Variants in BYSL observed in about 807,000 individuals in gnomAD.
The protein encoded by BYSL is bystin like.
A neutral mutation model predicts 45.4 loss-of-function variants in BYSL; 21 were observed. That is an observed-to-expected ratio of 0.46 (90% confidence interval 0.33 to 0.67). The LOEUF (loss-of-function observed/expected upper bound fraction) is 0.67, where lower values mean the gene tolerates loss of function less well. Among genes scored for constraint, BYSL ranks in the 30% least tolerant of loss-of-function variants. BYSL has a pLI of 0.02. For missense variants in BYSL, 522 were observed against 578.5 expected (o/e 0.90, Z 1.00); for synonymous variants, 215 against 231.3 (o/e 0.93, Z 0.64).
chr6:41,932,615 A>G lies in BYSL; in HGVS notation c.1223A>G (p.Gln408Arg). 1 of 1,614,204 alleles carries G rather than the reference A, an allele frequency of 6.2e-7. No homozygotes were observed. The highest frequency in any genetic ancestry group is 8.5e-7 in the Non-Finnish European group (1 of 1,180,034). Residue 408 changes from glutamine (Q) to arginine (R), a missense_variant, in exon 7 of 7, where the codon CAG (glutamine) becomes CGG (arginine). Physicochemically the swap from Gln to Arg is conservative, Grantham distance 43. Transcript: ENST00000230340. This position sits in a 1 kb window ranked among gnomAD's most constrained non-coding sequence, Gnocchi z 4.7. The part of the protein sequence containing the change: ...KEALLELLRL[Q>R]PHPQLSPEIR... ...GCCCTCTTAGAACTGCTCCGGCTGC[A>G]GCCCCATCCACAGCTATCGCCCGAA...
chr6:41,930,616 T>G lies in BYSL; in HGVS notation c.571-19T>G. ...CCATATGTGGATGACGATGATTGTTTTACCTCCCTCATCCCTAGGTATTAT... is the reference window on the plus strand; with the variant it reads ...CCATATGTGGATGACGATGATTGTTGTACCTCCCTCATCCCTAGGTATTAT... On this transcript the variant is annotated intron_variant, in intron 3 of 6. Coordinates refer to ENST00000230340, the MANE Select transcript of BYSL (RefSeq NM_004053.4). 1 of 1,595,112 alleles carries G rather than the reference T, an allele frequency of 6.3e-7. No homozygotes were observed. The highest frequency in any genetic ancestry group is 8.5e-7 in the Non-Finnish European group (1 of 1,172,040).
chr6:41,932,434 A>G lies in BYSL; in HGVS notation c.1042A>G (p.Lys348Glu). 1.2e-6 allele frequency: 2 copies of G among 1,614,130 alleles called. No individual in the cohort carries two copies. The highest frequency in any genetic ancestry group is 1.7e-6 in the Non-Finnish European group (2 of 1,180,026). The change falls in exon 7 of 7, where the codon AAG (lysine) becomes GAG (glutamate). Residue 348 changes from lysine to glutamate, a missense_variant. By Grantham distance (56) the Lys-to-Glu change is moderately conservative. Transcript: ENST00000230340. This position sits in a 1 kb window ranked among gnomAD's most constrained non-coding sequence, Gnocchi z 4.7. Reference sequence around the variant, plus strand: ...CATCTTCCTGCGACTGCTGCTGGATAAGAAGTATGCACTGCCTTACCGGGT... The same window carrying G: ...CATCTTCCTGCGACTGCTGCTGGATGAGAAGTATGCACTGCCTTACCGGGT... ...NSIFLRLLLDKKYALPYRVLD... is the reference protein window; with the variant it reads ...NSIFLRLLLDEKYALPYRVLD...
chr6:41,925,692 T>A (rs1364503440), intron 1 of BYSL, among the ~76,000 whole-genome samples: 1 of 149,860 alleles, frequency 6.7e-6, no homozygotes, highest in Non-Finnish European at 1.5e-5. Flanking sequence ...ATTTATTTAT[T>A]TTTTTGAGAC....
upstream of BYSL, chr6:41,916,924 A>C (rs1309795562): frequency 1.2e-6 from 2 of 1,613,994 alleles, no homozygotes; most frequent in Non-Finnish European, 1.7e-6. Context: ...CCTCGGCCAC[A>C]GGCATCTGGG....
At chr6:41,921,273 C>T, upstream of BYSL, 1 of 621,130 alleles carries the variant, frequency 1.6e-6, no homozygotes. Context: ...TCCCGTTTGG[C>T]TGAGCACTCT....
At chr6:41,930,477 TG>T in intron 3 of BYSL, 157 bp from the exon 4 acceptor site, 1 of 1,227,764 alleles carries the variant, frequency 8.1e-7, no homozygotes, top group Non-Finnish European at 1.1e-6. Context: ...GAACTCTCAC[TG>T]GTCATCTGTA....
At chr6:41,920,783 C>CAAA, upstream of BYSL, 1 of 501,218 alleles carries the variant, frequency 2.0e-6, no homozygotes, top group Non-Finnish European at 3.4e-6. Context: ...AAAAACAAAA[C>CAAA]AAAACAAAAA....
chr6:41,922,206 C>T (rs1282637252), intron 1 of BYSL, among the ~76,000 whole-genome samples: 1 of 152,120 alleles, frequency 6.6e-6, no homozygotes, highest in African/African-American at 2.4e-5. Context: ...ACAGTCAAGC[C>T]CAGCAGAGAG....
chr6:41,919,431 T>A (rs1775402347), upstream of BYSL, among the ~76,000 whole-genome samples: 1 of 152,210 alleles, frequency 6.6e-6, no homozygotes, highest in Non-Finnish European at 1.5e-5. Context: ...AATGAATCTA[T>A]TAAGGTAGAG....
chr6:41,929,674 GCTTA>G (rs1473248960), intron 2 of BYSL, among the ~76,000 whole-genome samples: 1 of 152,138 alleles, frequency 6.6e-6, no homozygotes, highest in Non-Finnish European at 1.5e-5. Flanking sequence ...CATAGATAAC[GCTTA>G]CTGTGTACTG....
chr6:41,912,934 C>T, the BYSL span: 1 of 151,932 alleles, frequency 6.6e-6, no homozygotes, highest in Non-Finnish European at 1.5e-5. Flanking sequence ...ATAGGGAGAC[C>T]TTGACTCTAC....
At chr6:41,920,784 AAAAC>A, upstream of BYSL, 3 of 504,252 alleles carry the variant, frequency 5.9e-6, no homozygotes, top group South Asian at 3.5e-5. Flanking sequence ...AAAACAAAAC[AAAAC>A]AAAAAAAAAA....
upstream of BYSL, chr6:41,917,400 A>T: frequency 6.8e-6 from 1 of 147,024 alleles, no homozygotes; most frequent in Non-Finnish European, 1.5e-5. Context: ...ACGCCATCTT[A>T]AAAAAAAAAA....
In BYSL at chr6:41,921,513, C is replaced by G. The variant is rs776680885; in HGVS notation, c.-50C>G. ...GTCCACCGCGCAAGCGCATCCTGGC[C>G]TTTCTTCAGTCCCCACGTGCGATCC... On this transcript the variant is annotated 5_prime_UTR_variant, in exon 1 of 7. Transcript: ENST00000230340. 3.3e-6 allele frequency: 5 copies of G among 1,520,198 alleles called. No individual in the cohort carries two copies. Among genetic ancestry groups the G allele is most frequent in the African/African-American group, 2.8e-5 (2 of 71,792 alleles). The allele number at this position is 1,520,198 out of a possible 1,614,324, so 94.2% of individuals were successfully genotyped here.
At chr6:41,925,489 G>A (rs1230667542) in intron 1 of BYSL, among the ~76,000 whole-genome samples, 23 of 143,042 alleles carry the variant, frequency 1.6e-4, no homozygotes, top group African/African-American at 2.4e-4. Context: ...TCAGCCTCCC[G>A]AGTAGCTGGG....
At chr6:41,921,234 C>A (rs1394638875), upstream of BYSL, 2 of 666,396 alleles carry the variant, frequency 3.0e-6, no homozygotes, top group Admixed American at 3.1e-5. Flanking sequence ...TCTGCGGATT[C>A]CCGCCCCGAG....
At chr6:41,926,336 G>T (rs1026580061) in intron 1 of BYSL, among the ~76,000 whole-genome samples, 1 of 152,212 alleles carries the variant, frequency 6.6e-6, no homozygotes, top group African/African-American at 2.4e-5. Context: ...ACTTCTCAGT[G>T]CTTCAATGTC....
At chr6:41,923,585 C>T (rs752555472) in intron 1 of BYSL, among the ~76,000 whole-genome samples, 3 of 152,072 alleles carry the variant, frequency 2.0e-5, no homozygotes, top group South Asian at 2.1e-4. Context: ...CGTGAGCCAC[C>T]GCACCTGGCC....
intron 2 of BYSL, among the ~76,000 whole-genome samples, chr6:41,929,592 A>G (rs1052972735): frequency 1.3e-5 from 2 of 152,202 alleles, no homozygotes; most frequent in Admixed American, 6.5e-5. Flanking sequence ...TTAAGATAAG[A>G]TTATGTTTGA....
Sources: allele counts gnomAD v4.1 joint callset (sites outside exome capture counted in the v4.1 genomes callset), GRCh38; gene constraint gnomAD v4.1.1; non-coding constraint Gnocchi (gnomAD v3.1); transcripts MANE v1.5; gene names NCBI Gene and HGNC (gene_info 2026-07-23, HGNC 2026-07-21).